The following KLHL1 variants were observed in gnomAD, a reference collection of about 807,000 sequenced individuals.
KLHL1 encodes the protein kelch-like protein 1.
Under a neutral mutation model 77.7 loss-of-function variants are expected in KLHL1, and 47 were observed. The observed-to-expected ratio is 0.60, with a 90% CI of 0.48 to 0.77. KLHL1 has a LOEUF of 0.77. Ranked by LOEUF, KLHL1 falls within the 30% of genes least tolerant of loss-of-function variation. The pLI is 0.00. For missense variants in KLHL1, 925 were observed against 910.8 expected, an observed-to-expected ratio of 1.02 and a Z score of -0.20; for synonymous variants, 360 against 325.2, an observed-to-expected ratio of 1.11 and a Z score of -1.15.
At chr13:69,861,474 TTGA>T (rs1377167003) in intron 5 of KLHL1, among the ~76,000 whole-genome samples, 1 of 152,114 alleles carries the variant, frequency 6.6e-6, no homozygotes, top group Non-Finnish European at 1.5e-5. Context: ...TGATTTCATA[TTGA>T]TGTTTATCAG....
rs563697501 is a variant in KLHL1 at position 70,008,899 on chromosome 13, C to A, written c.498-33097G>T. Among the ~76,000 whole-genome samples the A allele has an allele frequency of 1.8e-4, 28 of 152,122 alleles. No homozygotes were observed. The South Asian group carries it at 5.8e-3, about 32-fold the overall frequency. ...ATAGAAAGCAACCTCAAAAATGGAT[C>A]AATATTATTATAATTCTTGTCACAA... On this transcript the variant is annotated intron_variant, in intron 1 of 10. Transcript: ENST00000377844.
chr13:69,867,538 G>A (rs937527838), intron 5 of KLHL1, among the ~76,000 whole-genome samples: 1 of 151,800 alleles, frequency 6.6e-6, no homozygotes. Flanking sequence ...TTTTCAGTCA[G>A]TTGACACTTG....
chr13:69,887,463 T>C (rs1000845101), intron 4 of KLHL1, among the ~76,000 whole-genome samples: 2 of 152,192 alleles, frequency 1.3e-5, no homozygotes, highest in African/African-American at 4.8e-5. Flanking sequence ...CTTTTGATTT[T>C]AAATTCTGTC....
At chr13:69,721,178 G>T in intron 8 of KLHL1, among the ~76,000 whole-genome samples, 1 of 136,650 alleles carries the variant, frequency 7.3e-6, no homozygotes, top group African/African-American at 2.7e-5. Flanking sequence ...GTGAATATCT[G>T]AGTGCCTCCT....
rs186704183 is a variant in KLHL1, at chr13:69,853,893, G to A, written c.1228-14731C>T. ...ATAGAATATGGAGACTTTGCTTAGC[G>A]TAAGGCTTAATAATAATCACTCAAC... On this transcript the variant is annotated intron_variant, in intron 5 of 10. Coordinates refer to ENST00000377844, the MANE Select transcript of KLHL1 (RefSeq NM_020866.3). Among the ~76,000 whole-genome samples the A allele has an allele frequency of 3.8e-3, 582 of 152,056 alleles. 5 individuals carry two copies. The highest frequency in any genetic ancestry group is 6.8e-3 in the Middle Eastern group (2 of 294).
intron 4 of KLHL1, among the ~76,000 whole-genome samples, chr13:69,903,889 C>T (rs2138231716): frequency 6.6e-6 from 1 of 151,792 alleles, no homozygotes; most frequent in Admixed American, 6.6e-5. Flanking sequence ...ATCCACTTGC[C>T]TCGGCCTCCC....
At chr13:69,715,935 T>A (rs1158553836) in intron 9 of KLHL1, among the ~76,000 whole-genome samples, 1 of 152,122 alleles carries the variant, frequency 6.6e-6, no homozygotes, top group Non-Finnish European at 1.5e-5. Context: ...ATTTGAACAA[T>A]TGCTTACCTC....
chr13:69,886,510 C>G (rs916522124), intron 4 of KLHL1, among the ~76,000 whole-genome samples: 3 of 151,046 alleles, frequency 2.0e-5, no homozygotes, highest in Non-Finnish European at 4.4e-5. Flanking sequence ...ATATAAAACT[C>G]TTTTGAAATT....
At chr13:70,027,309 C>CT (rs1249146208) in intron 1 of KLHL1, among the ~76,000 whole-genome samples, 2 of 152,022 alleles carry the variant, frequency 1.3e-5, no homozygotes, top group Non-Finnish European at 2.9e-5. Context: ...ATAATGACCA[C>CT]TTTGGTGCCA....
chr13:69,852,044 T>G (rs1488526488), intron 5 of KLHL1, among the ~76,000 whole-genome samples: 2 of 151,948 alleles, frequency 1.3e-5, no homozygotes, highest in African/African-American at 4.8e-5. Flanking sequence ...GAAAAATTAT[T>G]GTAACATGCA....
intron 5 of KLHL1, among the ~76,000 whole-genome samples, chr13:69,874,589 T>C: frequency 6.6e-6 from 1 of 152,302 alleles, no homozygotes; most frequent in Non-Finnish European, 1.5e-5. Context: ...CCTATATTAA[T>C]GTCATCATTT....
At chr13:69,985,450 A>G (rs1884835948) in intron 1 of KLHL1, among the ~76,000 whole-genome samples, 1 of 152,026 alleles carries the variant, frequency 6.6e-6, no homozygotes, top group African/African-American at 2.4e-5. Flanking sequence ...ATATCACCTT[A>G]TAACTGTTAG....
Position 69,921,068 on chromosome 13 carries a change from T to A in KLHL1, c.1014+18972A>T, listed in dbSNP as rs573254749. Among the ~76,000 whole-genome samples, 5 of 152,270 alleles carry A rather than the reference T, an allele frequency of 3.3e-5. No homozygotes were observed. In the East Asian group the frequency reaches 9.6e-4, roughly 29 times the overall value. On this transcript the variant is annotated intron_variant, in intron 4 of 10. Coordinates refer to ENST00000377844, the MANE Select transcript of KLHL1 (RefSeq NM_020866.3). ...AATGTAAATGTTGTTAATGACCAAATAACAAGGGACAACTATTTTTTCCAG... is the reference window on the plus strand; with the variant it reads ...AATGTAAATGTTGTTAATGACCAAAAAACAAGGGACAACTATTTTTTCCAG...
At chr13:69,777,444 G>C (rs914453801) in intron 7 of KLHL1, among the ~76,000 whole-genome samples, 1 of 151,882 alleles carries the variant, frequency 6.6e-6, no homozygotes, top group African/African-American at 2.4e-5. Context: ...GGATTATAGA[G>C]GTCATATTAG....
Position 69,961,419 on chromosome 13 carries a change from A to G in KLHL1, c.706T>C (p.Tyr236His). ...TCACTTGTAAACATGGCCGCAAAAT[A>G]GTCGGAGACTGAACTCAGAACAAGC... Reference protein sequence around the residue: ...HRLVLSSVSDYFAAMFTSDVC... With the variant: ...HRLVLSSVSDHFAAMFTSDVC... Residue 236 changes from tyrosine to histidine, a missense_variant, in exon 3 of 11, where the codon TAT becomes CAT. Tyr to His is a moderately conservative substitution (Grantham distance 83, BLOSUM62 2). Coordinates refer to ENST00000377844, the MANE Select transcript of KLHL1 (RefSeq NM_020866.3). 6.2e-7 allele frequency: 1 copy of G among 1,612,962 alleles called. No homozygotes were observed. The highest frequency in any genetic ancestry group is 8.5e-7 in the Non-Finnish European group (1 of 1,179,338).
intron 1 of KLHL1, among the ~76,000 whole-genome samples, chr13:70,046,922 C>T (rs1234078137): frequency 6.6e-6 from 1 of 152,132 alleles, no homozygotes; most frequent in Non-Finnish European, 1.5e-5. Flanking sequence ...TGTATTTGAT[C>T]CTCCTTTCAC....
intron 5 of KLHL1, among the ~76,000 whole-genome samples, chr13:69,871,029 A>C (rs2138174853): frequency 6.6e-6 from 1 of 151,286 alleles, no homozygotes; most frequent in African/African-American, 2.4e-5. Context: ...GTGTCCTAGC[A>C]GTTATTCTTT....
intron 1 of KLHL1, among the ~76,000 whole-genome samples, chr13:70,054,725 TA>T (rs369139534): frequency 0.011 from 1,617 of 141,524 alleles, 15 homozygotes; most frequent in East Asian, 0.068. Flanking sequence ...ACTGCAATAT[TA>T]AAAAAAAAAA....
intron 5 of KLHL1, among the ~76,000 whole-genome samples, chr13:69,869,707 C>CT (rs976257280): frequency 6.6e-6 from 1 of 152,086 alleles, no homozygotes; most frequent in Admixed American, 6.6e-5. Flanking sequence ...TTCTGATACT[C>CT]TTAGAAATGA....
Sources: gnomAD v4.1 joint callset for allele counts (sites outside exome capture counted in the v4.1 genomes callset) on GRCh38, gnomAD v4.1.1 for gene constraint, MANE v1.5 for transcripts, NCBI Gene and HGNC (gene_info 2026-07-23, HGNC 2026-07-21) for gene names.